Variants in PIK3R3 observed in about 807,000 individuals in gnomAD.
The protein encoded by PIK3R3 is phosphoinositide-3-kinase regulatory subunit 3.
In PIK3R3, 64 loss-of-function variants were observed where a neutral mutation model predicts 62.9. The ratio of observed to expected loss-of-function variants is 1.02; its 90% CI spans 0.83 to 1.25. The LOEUF (loss-of-function observed/expected upper bound fraction) is 1.25, where lower values mean the gene tolerates loss of function less well. PIK3R3 is among the 50% of genes most tolerant of loss of function. The pLI is 0.00. For missense variants in PIK3R3, 614 were observed against 561.6 expected (o/e 1.09, Z -0.94); for synonymous variants, 165 against 189.0 (o/e 0.87, Z 1.04).
the PIK3R3 span, among the ~76,000 whole-genome samples, chr1:46,144,911 G>T: frequency 6.6e-6 from 1 of 151,972 alleles, no homozygotes; most frequent in East Asian, 1.9e-4. Context: ...GATCACCGAG[G>T]TCGGGAGTTT....
intron 1 of PIK3R3, among the ~76,000 whole-genome samples, chr1:46,117,021 AC>A (rs1654244734): frequency 6.6e-6 from 1 of 152,190 alleles, no homozygotes; most frequent in African/African-American, 2.4e-5. Flanking sequence ...GAACTTCAGC[AC>A]ATAAAGTAAA....
In PIK3R3 at chr1:46,116,610, C is replaced by T. The variant is rs372439149; in HGVS notation, c.106+15237G>A. 4.6e-4 allele frequency among the ~76,000 whole-genome samples: 69 copies of T among 149,666 alleles called. No individual in the cohort carries two copies. The East Asian group carries it at 9.2e-3, about 20-fold the overall frequency. Reference sequence around the variant, plus strand: ...CCGGGAGGCAGAGGTTGCAGTGAGCCGAGATCACACCACTGCACTCCAGCC... The same window carrying T: ...CCGGGAGGCAGAGGTTGCAGTGAGCTGAGATCACACCACTGCACTCCAGCC... On this transcript the variant is annotated intron_variant, in intron 1 of 9. Coordinates refer to ENST00000262741, the MANE Select transcript of PIK3R3 (RefSeq NM_003629.4).
At chr1:46,079,925 GC>G (rs1650421223) in intron 2 of PIK3R3, among the ~76,000 whole-genome samples, 1 of 151,416 alleles carries the variant, frequency 6.6e-6, no homozygotes, top group South Asian at 2.1e-4. Context: ...CTGCACTCCA[GC>G]CTGGGCAACA....
At chr1:46,080,950 T>C (rs1289989881) in intron 1 of PIK3R3, among the ~76,000 whole-genome samples, 200 bp from the exon 2 acceptor site, 1 of 152,178 alleles carries the variant, frequency 6.6e-6, no homozygotes, top group African/African-American at 2.4e-5. Context: ...TATTTGTTTT[T>C]TTCCTTCTTA....
intron 3 of PIK3R3, among the ~76,000 whole-genome samples, chr1:46,074,309 AAAAAAAAAC>A (rs1330875384): frequency 1.4e-5 from 2 of 146,532 alleles, no homozygotes; most frequent in African/African-American, 5.1e-5. Flanking sequence ...AAAAAAAAAA[AAAAAAAAAC>A]CAATAAATTC....
In PIK3R3 at chr1:46,061,922, G is replaced by T; in HGVS notation, c.764+7C>A. 2 of 1,611,234 alleles carry T rather than the reference G, an allele frequency of 1.2e-6. No individual in the cohort carries two copies. Among genetic ancestry groups the T allele is most frequent in the South Asian group, 2.2e-5 (2 of 90,904 alleles). ...CTGATGCCCTTGGAGGTACTAAGTAGACTTACCGTTCAATCTCCTTTTCAT... is the reference window on the plus strand; with the variant it reads ...CTGATGCCCTTGGAGGTACTAAGTATACTTACCGTTCAATCTCCTTTTCAT... On this transcript the variant is annotated splice_region_variant and intron_variant, in intron 6 of 9. Coordinates refer to ENST00000262741, the MANE Select transcript of PIK3R3 (RefSeq NM_003629.4).
rs145960918 is a variant in PIK3R3, at chr1:46,107,159, C to A, written c.106+24688G>T. Among the ~76,000 whole-genome samples the A allele has an allele frequency of 8.1e-4, 124 of 152,166 alleles. 1 individual carries two copies. The highest frequency in any genetic ancestry group is 2.8e-3 in the African/African-American group (117 of 41,550). On this transcript the variant is annotated intron_variant, in intron 1 of 9. Coordinates refer to ENST00000262741, the MANE Select transcript of PIK3R3 (RefSeq NM_003629.4). ...TCACTTGAGGTCAGGAATTCCAGAC[C>A]GGCCTGGCCAACATGGTGAAAGCCT...
Position 46,132,110 on chromosome 1 carries a change from A to AG in PIK3R3, c.-159dup. On this transcript the variant is annotated 5_prime_UTR_variant, in exon 1 of 10. Coordinates refer to ENST00000262741, the MANE Select transcript of PIK3R3 (RefSeq NM_003629.4). The stretch of plus-strand genomic sequence containing the variant: ...ACCAGTCCGGCCAAACTACCCGAAC[A>AG]GGGTCCTCCCCCTCTCTCCTACAGA... 1 of 1,418,212 alleles carries AG rather than the reference A, an allele frequency of 7.1e-7. No homozygotes were observed. Among genetic ancestry groups the AG allele is most frequent in the East Asian group, 2.6e-5 (1 of 37,894 alleles). 87.9% of individuals were successfully genotyped at this position (1,418,212 alleles called of 1,614,324 possible). A position where few individuals can be genotyped will look rare whatever the true frequency, so the allele number is the denominator to read the frequency against.
At chr1:46,081,880 C>T (rs1050610148) in intron 1 of PIK3R3, among the ~76,000 whole-genome samples, 6 of 152,002 alleles carry the variant, frequency 3.9e-5, no homozygotes, top group African/African-American at 1.2e-4. Flanking sequence ...AACAAAACAG[C>T]GAACTGGAAG....
the PIK3R3 span, among the ~76,000 whole-genome samples, chr1:46,173,683 T>C: frequency 1.3e-5 from 2 of 152,008 alleles, no homozygotes; most frequent in African/African-American, 2.4e-5. Context: ...GGAGGAGAAT[T>C]AGGAACCTGA....
the PIK3R3 span, among the ~76,000 whole-genome samples, chr1:46,151,077 C>T: frequency 6.6e-6 from 1 of 152,138 alleles, no homozygotes; most frequent in Non-Finnish European, 1.5e-5. Flanking sequence ...TCCCAAAGTG[C>T]TGAAGTTACA....
upstream of PIK3R3, among the ~76,000 whole-genome samples, chr1:46,137,294 GA>G (rs1419213008): frequency 6.6e-6 from 1 of 152,236 alleles, no homozygotes; most frequent in Non-Finnish European, 1.5e-5. Context: ...AGAATTCATA[GA>G]GGAGGGACCA....
the PIK3R3 span, among the ~76,000 whole-genome samples, chr1:46,170,072 C>G: frequency 7.9e-5 from 12 of 152,140 alleles, no homozygotes; most frequent in African/African-American, 2.9e-4. Flanking sequence ...GGGCTTAGCA[C>G]CTTTGAAGAC....
chr1:46,086,779 G>A (rs979384954), intron 1 of PIK3R3, among the ~76,000 whole-genome samples: 1 of 152,160 alleles, frequency 6.6e-6, no homozygotes, highest in Non-Finnish European at 1.5e-5. Context: ...CTGAAGGGAG[G>A]ATTGAGTCAT....
At chr1:46,119,457 CAT>C (rs1654472503) in intron 1 of PIK3R3, among the ~76,000 whole-genome samples, 1 of 152,164 alleles carries the variant, frequency 6.6e-6, no homozygotes, top group Admixed American at 6.5e-5. Flanking sequence ...CCAAAGGACA[CAT>C]GTTAAGAAGT....
chr1:46,121,800 G>C (rs942864729), intron 1 of PIK3R3, among the ~76,000 whole-genome samples: 3 of 152,260 alleles, frequency 2.0e-5, no homozygotes, highest in Non-Finnish European at 4.4e-5. Context: ...GTATGGATAA[G>C]GGTAGATGGT....
chr1:46,096,339 G>A (rs1190570304), intron 1 of PIK3R3, among the ~76,000 whole-genome samples: 3 of 152,076 alleles, frequency 2.0e-5, no homozygotes, highest in Non-Finnish European at 4.4e-5. Flanking sequence ...GGACAATCTG[G>A]TCCATTTATC....
the PIK3R3 span, among the ~76,000 whole-genome samples, chr1:46,163,099 G>A: frequency 2.0e-5 from 3 of 152,120 alleles, no homozygotes; most frequent in African/African-American, 7.2e-5. Context: ...CAGCCTTTTG[G>A]ACACCTGAGG....
the PIK3R3 span, among the ~76,000 whole-genome samples, chr1:46,138,504 A>T: frequency 7.1e-3 from 1,084 of 152,266 alleles, 12 homozygotes; most frequent in African/African-American, 0.025. Context: ...CTACAAAATT[A>T]AAAAAATCAG....
Sources: gnomAD v4.1 joint callset for allele counts (sites outside exome capture counted in the v4.1 genomes callset) on GRCh38, gnomAD v4.1.1 for gene constraint, MANE v1.5 for transcripts, NCBI Gene and HGNC (gene_info 2026-07-23, HGNC 2026-07-21) for gene names.